The following CSF1R variants were observed in gnomAD, a reference collection of about 807,000 sequenced individuals.
CSF1R encodes colony stimulating factor 1 receptor.
CSF1R carries 40 observed loss-of-function variants against 110.0 expected under a neutral mutation model. The ratio of observed to expected loss-of-function variants is 0.36; its 90% confidence interval spans 0.28 to 0.47. The LOEUF is 0.47. CSF1R is among the 20% of genes least tolerant of loss of function. CSF1R has a pLI of 0.99. For missense variants in CSF1R, 1,052 were observed against 1,253.0 expected, an observed-to-expected ratio of 0.84 and a Z score of 2.42; for synonymous variants, 523 against 503.4, an observed-to-expected ratio of 1.04 and a Z score of -0.52.
chr5:150,072,153 C>T (rs904839421), intron 6 of CSF1R, among the ~76,000 whole-genome samples: 7 of 152,186 alleles, frequency 4.6e-5, no homozygotes, highest in South Asian at 2.1e-4. Context: ...ACCACGTATT[C>T]GCTGCCCTTA....
At chr5:150,064,274 C>T (rs538159429) in intron 10 of CSF1R, among the ~76,000 whole-genome samples, 4 of 152,240 alleles carry the variant, frequency 2.6e-5, no homozygotes, top group Non-Finnish European at 4.4e-5. Flanking sequence ...CAAACCTGTA[C>T]GTCTATCCCC....
chr5:150,086,243 C>T lies in CSF1R; in HGVS notation c.49+136G>A, dbSNP rs986539099. 7 of 810,046 alleles carry T rather than the reference C, an allele frequency of 8.6e-6. No individual in the cohort carries two copies. In the Admixed American group the frequency reaches 1.5e-4, roughly 17 times the overall value. The allele number at this position is 810,046 out of a possible 1,614,324, so 50.2% of individuals were successfully genotyped here. On this transcript the variant is annotated intron_variant, in intron 1 of 20. Transcript: ENST00000675795. ...CCACTACCTCTCCAAAGCAGATACCCACAAGCCTGCAGTCCAGTGTTGGGG... is the reference window on the plus strand; with the variant it reads ...CCACTACCTCTCCAAAGCAGATACCTACAAGCCTGCAGTCCAGTGTTGGGG...
Position 150,059,311 on chromosome 5 carries a change from T to G in CSF1R, c.2132+389A>C, listed in dbSNP as rs141651652. 6.8e-3 allele frequency among the ~76,000 whole-genome samples: 1,039 copies of G among 152,328 alleles called. 14 individuals are homozygous for G. The highest frequency in any genetic ancestry group is 0.024 in the African/African-American group (997 of 41,580). ...TGCCCGCCTCAGCCTCCCAAAGTGC[T>G]GGGATTACAGGCATGAGCCACTGCA... On this transcript the variant is annotated intron_variant, in intron 14 of 20. Transcript: ENST00000675795.
chr5:150,064,463 C>G lies in CSF1R; in HGVS notation c.1627-2614G>C, dbSNP rs1757670934. On this transcript the variant is annotated intron_variant, in intron 10 of 20. Coordinates refer to ENST00000675795, the MANE Select transcript of CSF1R (RefSeq NM_001288705.3). ...GCGGACTGCAGGTGAACTTCAGAGC[C>G]TCTGCGTTATAGCTTGGGAGAGAGT... is the stretch of plus-strand genomic sequence containing the variant. 2.6e-5 allele frequency among the ~76,000 whole-genome samples: 4 copies of G among 152,170 alleles called. No individual in the cohort carries two copies. In the South Asian group the frequency reaches 8.3e-4, roughly 31 times the overall value.
At chr5:150,069,822 G>A in intron 9 of CSF1R, 51 bp downstream of exon 9, 6 of 1,260,522 alleles carry the variant, frequency 4.8e-6, no homozygotes, top group Non-Finnish European at 6.2e-6. Flanking sequence ...TAAAGGAGCA[G>A]GGGCGGGGGG....
chr5:150,059,646 C>T, intron 14 of CSF1R, 54 bp downstream of exon 14: 1 of 1,595,564 alleles, frequency 6.3e-7, no homozygotes, highest in Non-Finnish European at 8.6e-7. Context: ...TGAAGACAGA[C>T]TCGGATCCTG....
intron 11 of CSF1R, 37 bp from the exon 12 acceptor site, chr5:150,061,632 C>T: frequency 6.2e-7 from 1 of 1,613,996 alleles, no homozygotes; most frequent in South Asian, 1.1e-5. Flanking sequence ...CCCTGGGCAC[C>T]AAAGGGCCTC....
chr5:150,057,022 C>A (rs1757249676), intron 16 of CSF1R, among the ~76,000 whole-genome samples: 1 of 152,176 alleles, frequency 6.6e-6, no homozygotes, highest in Non-Finnish European at 1.5e-5. Context: ...CTCTCATACA[C>A]TATTTAGTAA....
At chr5:150,078,065 T>C in intron 4 of CSF1R, 47 bp downstream of exon 4, 1 of 1,609,972 alleles carries the variant, frequency 6.2e-7, no homozygotes, top group South Asian at 1.1e-5. Flanking sequence ...AAACCTGGTG[T>C]GCTGGGAGGA....
At chr5:150,075,542 T>C (rs1758225492) in intron 5 of CSF1R, among the ~76,000 whole-genome samples, 1 of 152,256 alleles carries the variant, frequency 6.6e-6, no homozygotes, top group Non-Finnish European at 1.5e-5. Flanking sequence ...TGCTCAAATA[T>C]CAGCTTTCTA....
At chr5:150,060,109 C>T (rs551611329) in intron 13 of CSF1R, among the ~76,000 whole-genome samples, 46 of 152,016 alleles carry the variant, frequency 3.0e-4, no homozygotes, top group Admixed American at 1.1e-3. Context: ...GGGTGGATCA[C>T]GAGGTCAGGA....
intron 1 of CSF1R, among the ~76,000 whole-genome samples, chr5:150,111,458 C>A (rs982363967): frequency 6.6e-6 from 1 of 152,208 alleles, no homozygotes; most frequent in Non-Finnish European, 1.5e-5. Context: ...CCTGAGAGGC[C>A]CAAGCCCTCC....
rs200193476 is a variant in CSF1R at position 150,057,468 on chromosome 5, T to C, written c.2221+36A>G. The C allele has an allele frequency of 7.6e-5, 122 of 1,612,056 alleles. No homozygotes were observed. The African/African-American group carries it at 1.5e-3, about 19-fold the overall frequency. ...AGCCCCTTCTCCTTTTCCCTTGTTA[T>C]CAAGCAAATGGGGCCTGGCCCTGGG... On this transcript the variant is annotated intron_variant, in intron 15 of 20. Transcript: ENST00000675795.
chr5:150,095,423 A>G (rs181076918), intron 1 of CSF1R, among the ~76,000 whole-genome samples: 6 of 152,354 alleles, frequency 3.9e-5, no homozygotes, highest in Admixed American at 3.9e-4. Context: ...TATGCAAAGT[A>G]TTTCTTGCAT....
chr5:150,086,327 G>T (rs533738531), intron 1 of CSF1R, 52 bp downstream of exon 1: 9 of 1,544,622 alleles, frequency 5.8e-6, no homozygotes, highest in African/African-American at 4.1e-5. Context: ...TTTCACAGGG[G>T]TCTTCTCCAT....
intron 3 of CSF1R, among the ~76,000 whole-genome samples, chr5:150,079,020 C>A (rs1278259336): frequency 6.6e-6 from 1 of 152,222 alleles, no homozygotes; most frequent in East Asian, 1.9e-4. Context: ...CAGCAAGATG[C>A]CTGATGCACA....
rs755681714 is a variant in CSF1R at position 150,073,327 on chromosome 5, A to G, written c.1056T>C (p.Ala352=). 44 of 1,613,912 alleles carry G rather than the reference A, an allele frequency of 2.7e-5. No homozygotes were observed. Among genetic ancestry groups the G allele is most frequent in the Middle Eastern group, 1.7e-4 (1 of 6,034 alleles). ...TGTATGTGTCCTTGGTGGTAGCATT[A>G]GCAAGCTTGGGCTCAGGCTGGTGGT... The part of the protein sequence containing the change: ...FSDHQPEPKL[A]NATTKDTYRH... Residue 352 remains alanine (A), a synonymous_variant, in exon 6 of 21, where the codon GCT becomes GCC. Transcript: ENST00000675795.
At chr5:150,064,103 G>C (rs949598528) in intron 10 of CSF1R, among the ~76,000 whole-genome samples, 1 of 152,164 alleles carries the variant, frequency 6.6e-6, no homozygotes, top group Non-Finnish European at 1.5e-5. Context: ...GCTAAATATT[G>C]AGTGTGCATG....
chr5:150,069,839 G>A (rs1225924900), intron 9 of CSF1R, 34 bp downstream of exon 9: 2 of 1,129,336 alleles, frequency 1.8e-6, no homozygotes, highest in Non-Finnish European at 2.4e-6. Flanking sequence ...GGGGCGGGCG[G>A]GGGGGCGGTG....
Sources: allele counts gnomAD v4.1 joint callset (sites outside exome capture counted in the v4.1 genomes callset), GRCh38; gene constraint gnomAD v4.1.1; transcripts MANE v1.5; gene names NCBI Gene and HGNC (gene_info 2026-07-23, HGNC 2026-07-21).